Variants in FRMPD4 observed in about 807,000 individuals in gnomAD.
The protein encoded by FRMPD4 is FERM and PDZ domain-containing protein 4.
Under a neutral mutation model 94.1 loss-of-function variants are expected in FRMPD4, and 22 were observed. That is an observed-to-expected ratio of 0.23 (90% CI 0.17 to 0.33). The LOEUF is 0.33. Ranked by LOEUF, FRMPD4 falls within the 10% of genes least tolerant of loss-of-function variation. FRMPD4 has a pLI of 1.00. For missense variants in FRMPD4, 1,111 were observed against 1,339.9 expected (o/e 0.83, Z 2.67); for synonymous variants, 631 against 548.6 (o/e 1.15, Z -2.10).
chrX:12,127,130 T>TACCTTCCTGTTTTC (rs1177403508), intron 3 of FRMPD4, among the ~76,000 whole-genome samples: 1 of 112,360 alleles, frequency 8.9e-6, no homozygotes, highest in Non-Finnish European at 1.9e-5. Flanking sequence ...TTCCTGTTTT[T>TACCTTCCTGTTTTC]ATCTTCCTGT....
chrX:12,592,468 G>A (rs899105233), intron 2 of FRMPD4, among the ~76,000 whole-genome samples: 1 of 112,122 alleles, frequency 8.9e-6, no homozygotes, highest in African/African-American at 3.2e-5. Flanking sequence ...TTTCTCCAGT[G>A]TAATTCTGTA....
chrX:12,576,020 T>C (rs1314154922), intron 2 of FRMPD4, among the ~76,000 whole-genome samples: 2 of 112,326 alleles, frequency 1.8e-5, no homozygotes, highest in African/African-American at 6.5e-5. Context: ...ACTAACACAA[T>C]GCATAACCAT....
intron 14 of FRMPD4, among the ~76,000 whole-genome samples, chrX:12,712,692 G>A (rs1667916530): frequency 8.9e-6 from 1 of 112,004 alleles, no homozygotes; most frequent in African/African-American, 3.2e-5. Context: ...GGAGGTGATA[G>A]GCGTGCACTG....
At chrX:12,488,032 GACAAC>G (rs1444080105) in intron 1 of FRMPD4, among the ~76,000 whole-genome samples, 1 of 112,181 alleles carries the variant, frequency 8.9e-6, no homozygotes, top group African/African-American at 3.2e-5. Flanking sequence ...AAGGAAGCCA[GACAAC>G]ATATTTTAGC....
At chrX:12,168,871 C>A (rs947407730) in intron 1 of FRMPD4, among the ~76,000 whole-genome samples, 1 of 111,313 alleles carries the variant, frequency 9.0e-6, no homozygotes, top group African/African-American at 3.3e-5. Context: ...GTGATCTGCC[C>A]GCCTCGGCCT....
intron 1 of FRMPD4, among the ~76,000 whole-genome samples, chrX:12,383,684 T>C (rs1366369868): frequency 1.8e-5 from 2 of 111,725 alleles, no homozygotes; most frequent in Non-Finnish European, 3.8e-5. Context: ...GATGAATGAA[T>C]GAGTGTTAAT....
intron 2 of FRMPD4, among the ~76,000 whole-genome samples, chrX:12,587,474 C>T (rs749081801): frequency 9.0e-6 from 1 of 111,319 alleles, no homozygotes; most frequent in Non-Finnish European, 1.9e-5. Flanking sequence ...CACTAATCTG[C>T]TGTCTCCATG....
upstream of FRMPD4, among the ~76,000 whole-genome samples, chrX:12,136,803 T>G (rs2055601325): frequency 9.2e-6 from 1 of 109,157 alleles, no homozygotes; most frequent in African/African-American, 3.3e-5. Context: ...TGTTGGCCCT[T>G]GCAGGAGCGC....
chrX:12,174,334 G>T (rs1227120254), intron 1 of FRMPD4, among the ~76,000 whole-genome samples: 1 of 111,835 alleles, frequency 8.9e-6, no homozygotes, highest in Non-Finnish European at 1.9e-5. Context: ...GCTTGTGAAT[G>T]GTATCAAAAC....
chrX:12,487,115 G>A (rs2057747405), intron 1 of FRMPD4, among the ~76,000 whole-genome samples: 1 of 112,039 alleles, frequency 8.9e-6, no homozygotes, highest in African/African-American at 3.2e-5. Context: ...CAGAGTTTGA[G>A]GTAAGCACCA....
At chrX:12,464,502 A>C (rs1055876634) in intron 1 of FRMPD4, among the ~76,000 whole-genome samples, 21 of 112,254 alleles carry the variant, frequency 1.9e-4, no homozygotes, top group African/African-American at 6.8e-4. Context: ...GAGTTTTGAA[A>C]GTTTGGATGC....
intron 1 of FRMPD4, among the ~76,000 whole-genome samples, chrX:11,836,487 T>C (rs929386742): frequency 2.7e-5 from 3 of 111,665 alleles, no homozygotes; most frequent in Non-Finnish European, 5.7e-5. Flanking sequence ...CTCTGTGAGG[T>C]AGTAATTATC....
chrX:12,111,501 T>C (rs1437398170), intron 3 of FRMPD4, among the ~76,000 whole-genome samples: 1 of 111,299 alleles, frequency 9.0e-6, no homozygotes, highest in Non-Finnish European at 1.9e-5. Context: ...ATTCAGGACA[T>C]AGGCATGGGC....
At chrX:11,911,661 G>C (rs2053997535) in intron 3 of FRMPD4, among the ~76,000 whole-genome samples, 2 of 111,782 alleles carry the variant, frequency 1.8e-5, no homozygotes, top group African/African-American at 6.5e-5. Flanking sequence ...CGCAAGCAAA[G>C]AGACAAAGGT....
intron 1 of FRMPD4, among the ~76,000 whole-genome samples, chrX:12,363,293 C>T (rs111815080): frequency 0.018 from 2,046 of 112,416 alleles, 44 homozygotes; most frequent in African/African-American, 0.062. Flanking sequence ...GGATATTTTG[C>T]TCTTTGAAAA....
At chrX:12,016,155 G>A (rs1250652921) in intron 3 of FRMPD4, among the ~76,000 whole-genome samples, 1 of 111,998 alleles carries the variant, frequency 8.9e-6, no homozygotes, top group Non-Finnish European at 1.9e-5. Flanking sequence ...GGGAACTCAT[G>A]ATTGGAGAAG....
intron 1 of FRMPD4, among the ~76,000 whole-genome samples, chrX:12,183,616 A>G (rs1309147952): frequency 1.8e-5 from 2 of 111,546 alleles, no homozygotes; most frequent in East Asian, 5.7e-4. Flanking sequence ...CCCCACAAAC[A>G]TGGATTTTGT....
intron 3 of FRMPD4, among the ~76,000 whole-genome samples, chrX:11,970,292 T>C (rs1018269887): frequency 6.2e-5 from 7 of 112,277 alleles, no homozygotes; most frequent in African/African-American, 1.9e-4. Context: ...TCTGGTGATC[T>C]TCTCTTCTTA....
intron 2 of FRMPD4, among the ~76,000 whole-genome samples, chrX:12,588,863 TTTC>T (rs2058956927): frequency 8.9e-6 from 1 of 112,535 alleles, no homozygotes; most frequent in Non-Finnish European, 1.9e-5. Context: ...CATACATTTT[TTTC>T]TTTTTTTCCA....
Sources: gnomAD v4.1 joint callset for allele counts (sites outside exome capture counted in the v4.1 genomes callset) on GRCh38, gnomAD v4.1.1 for gene constraint, MANE v1.5 for transcripts, NCBI Gene and HGNC (gene_info 2026-07-23, HGNC 2026-07-21) for gene names.